FHIT: variants seen among roughly 807,000 people sequenced by gnomAD.
FHIT encodes the protein fragile histidine triad diadenosine triphosphatase, also known as bis(5'-adenosyl)-triphosphatase.
A neutral mutation model predicts 17.9 loss-of-function variants in FHIT; 19 were observed. That is an observed-to-expected ratio of 1.06 (90% CI 0.74 to 1.56). The LOEUF (loss-of-function observed/expected upper bound fraction) is 1.56, where lower values mean the gene tolerates loss of function less well. Ranked by LOEUF, FHIT falls within the 40% of genes most tolerant of loss-of-function variation. FHIT has a pLI of 0.00. For missense variants in FHIT, 248 were observed against 189.2 expected (o/e 1.31, Z -1.82); for synonymous variants, 81 against 69.7 (o/e 1.16, Z -0.81).
At chr3:60,024,551 A>G (rs1700666631) in intron 5 of FHIT, among the ~76,000 whole-genome samples, 1 of 152,226 alleles carries the variant, frequency 6.6e-6, no homozygotes, top group Admixed American at 6.5e-5. Context: ...CAAGTACTAT[A>G]TAAGACACTG....
chr3:60,380,267 T>G (rs894515665), intron 5 of FHIT, among the ~76,000 whole-genome samples: 5 of 152,128 alleles, frequency 3.3e-5, no homozygotes, highest in African/African-American at 7.2e-5. Flanking sequence ...GCTGGCTGTT[T>G]AAAGAAGCTT....
intron 5 of FHIT, among the ~76,000 whole-genome samples, chr3:60,118,581 C>T (rs1705089294): frequency 6.6e-6 from 1 of 151,910 alleles, no homozygotes; most frequent in African/African-American, 2.4e-5. Flanking sequence ...AATCTTTGGT[C>T]TCCCCAGAGG....
chr3:61,181,455 A>G (rs549199678), intron 2 of FHIT, among the ~76,000 whole-genome samples: 2 of 152,366 alleles, frequency 1.3e-5, no homozygotes, highest in East Asian at 3.9e-4. Context: ...AAGGAAGCAC[A>G]CAAACAAATA....
intron 5 of FHIT, among the ~76,000 whole-genome samples, chr3:60,078,961 G>A (rs1390479195): frequency 6.6e-6 from 1 of 151,938 alleles, no homozygotes; most frequent in African/African-American, 2.4e-5. Flanking sequence ...AGAAAAGAGA[G>A]GGAGCTTGAC....
chr3:60,112,741 C>G (rs79076279), intron 5 of FHIT, among the ~76,000 whole-genome samples: 2 of 152,056 alleles, frequency 1.3e-5, no homozygotes, highest in Non-Finnish European at 2.9e-5. Flanking sequence ...CTAGAGCATA[C>G]GAAAATACCA....
At chr3:60,973,423 T>C (rs1449025926) in intron 3 of FHIT, among the ~76,000 whole-genome samples, 1 of 152,084 alleles carries the variant, frequency 6.6e-6, no homozygotes, top group African/African-American at 2.4e-5. Context: ...TATTTTGTTG[T>C]CTCTCCCTGG....
chr3:60,750,684 C>T (rs556367595), intron 4 of FHIT, among the ~76,000 whole-genome samples: 4 of 152,136 alleles, frequency 2.6e-5, no homozygotes, highest in Non-Finnish European at 5.9e-5. Flanking sequence ...GTAAATCACC[C>T]AGTCTCCGAT....
intron 8 of FHIT, among the ~76,000 whole-genome samples, chr3:59,916,991 C>T (rs892657051): frequency 2.6e-5 from 4 of 152,184 alleles, no homozygotes; most frequent in Non-Finnish European, 4.4e-5. Flanking sequence ...TGAAACATTC[C>T]TTCCTTTTTG....
At chr3:61,202,042 C>CCA (rs1576202452) in intron 1 of FHIT, among the ~76,000 whole-genome samples, 1 of 142,728 alleles carries the variant, frequency 7.0e-6, no homozygotes, top group East Asian at 2.0e-4. Flanking sequence ...ATATATATAC[C>CCA]TACATATATA....
intron 5 of FHIT, among the ~76,000 whole-genome samples, chr3:60,089,880 G>A (rs1217212148): frequency 1.3e-5 from 2 of 152,110 alleles, no homozygotes; most frequent in African/African-American, 4.8e-5. Flanking sequence ...CAATTTGGAG[G>A]AGACACAAAT....
chr3:61,085,529 T>A (rs1354193145), intron 2 of FHIT, among the ~76,000 whole-genome samples: 1 of 152,170 alleles, frequency 6.6e-6, no homozygotes, highest in Admixed American at 6.5e-5. Context: ...AAATGCTTTA[T>A]CAGATATGAT....
chr3:59,929,095 T>C (rs538241159), intron 7 of FHIT, among the ~76,000 whole-genome samples: 1 of 146,972 alleles, frequency 6.8e-6, no homozygotes, highest in African/African-American at 2.5e-5. Context: ...AGATGTAAAA[T>C]GGTACGGCTG....
Position 60,044,345 on chromosome 3 carries a change from G to A in FHIT, c.104-30193C>T, listed in dbSNP as rs568649986. Among the ~76,000 whole-genome samples the A allele has an allele frequency of 4.9e-4, 75 of 152,268 alleles. 1 individual carries two copies. The highest frequency in any genetic ancestry group is 1.5e-3 in the African/African-American group (63 of 41,564). ...GTAATATAGAAAGTTGTGAGGCAAC[G>A]TCTTCAAACTTCTAAGTAGAACAGA... On this transcript the variant is annotated intron_variant, in intron 5 of 9. Transcript: ENST00000492590.
At chr3:61,100,820 G>C (rs1191226773) in intron 2 of FHIT, among the ~76,000 whole-genome samples, 1 of 152,196 alleles carries the variant, frequency 6.6e-6, no homozygotes, top group East Asian at 1.9e-4. Context: ...GTGATGATGA[G>C]CATTTTTTCA....
intron 3 of FHIT, among the ~76,000 whole-genome samples, chr3:60,961,569 A>G (rs1410977666): frequency 6.6e-6 from 1 of 152,160 alleles, no homozygotes; most frequent in African/African-American, 2.4e-5. Context: ...TAGGTCTAAC[A>G]TTTAAGTCTT....
At chr3:60,257,908 G>A (rs949484250) in intron 5 of FHIT, among the ~76,000 whole-genome samples, 2 of 152,096 alleles carry the variant, frequency 1.3e-5, no homozygotes, top group African/African-American at 4.8e-5. Context: ...TCAACGGGGA[G>A]GAGAGAGAAT....
chr3:60,691,379 T>C (rs1371795815), intron 4 of FHIT, among the ~76,000 whole-genome samples: 1 of 151,842 alleles, frequency 6.6e-6, no homozygotes, highest in African/African-American at 2.4e-5. Flanking sequence ...TTTTCTTCTT[T>C]TTTTTTTTCT....
intron 4 of FHIT, among the ~76,000 whole-genome samples, chr3:60,555,333 G>A (rs1345713563): frequency 6.6e-6 from 1 of 152,150 alleles, no homozygotes; most frequent in South Asian, 2.1e-4. Context: ...AGAGGTTCTT[G>A]CTCATGGAGT....
intron 5 of FHIT, among the ~76,000 whole-genome samples, chr3:60,439,563 ATCAGTCAGTGATTCCTGGTC>A (rs1347971796): frequency 6.6e-6 from 1 of 152,020 alleles, no homozygotes; most frequent in Non-Finnish European, 1.5e-5. Flanking sequence ...ATCCTGAGTC[ATCAGTCAGTGATTCCTGGTC>A]TCAGTCAGTG....
Sources: allele counts gnomAD v4.1 joint callset (sites outside exome capture counted in the v4.1 genomes callset), GRCh38; gene constraint gnomAD v4.1.1; transcripts MANE v1.5; gene names NCBI Gene and HGNC (gene_info 2026-07-23, HGNC 2026-07-21).